Variants in NEDD4L observed in about 807,000 individuals in gnomAD.
NEDD4L encodes the protein E3 ubiquitin-protein ligase NEDD4-like.
NEDD4L carries 54 observed loss-of-function variants against 148.9 expected under a neutral mutation model. The observed-to-expected ratio is 0.36, with a 90% CI of 0.29 to 0.45. NEDD4L has a LOEUF of 0.45. NEDD4L is among the 20% of genes least tolerant of loss of function. The probability of loss-of-function intolerance (pLI) is 1.00; values close to 1 mark genes in which losing one functional copy is unlikely to be tolerated. For synonymous variants in NEDD4L, 433 were observed against 440.7 expected, an observed-to-expected ratio of 0.98 and a Z score of 0.22; for missense variants, 856 against 1,233.8, an observed-to-expected ratio of 0.69 and a Z score of 4.59.
chr18:58,165,931 G>A (rs951959372), intron 2 of NEDD4L, 70 bp downstream of exon 2: 15 of 1,281,204 alleles, frequency 1.2e-5, no homozygotes, highest in African/African-American at 4.4e-5. Flanking sequence ...ATTCAGGCAC[G>A]CATCAGAATC....
chr18:58,333,948 C>G, intron 12 of NEDD4L, 56 bp downstream of exon 12: 1 of 1,124,310 alleles, frequency 8.9e-7, no homozygotes, highest in Non-Finnish European at 1.3e-6. Context: ...CATTTACAAT[C>G]ATCTGGGCTG....
intron 2 of NEDD4L, among the ~76,000 whole-genome samples, chr18:58,221,164 G>A (rs764751967): frequency 1.3e-5 from 2 of 152,172 alleles, no homozygotes; most frequent in African/African-American, 4.8e-5. Flanking sequence ...GTGGGGCCTC[G>A]AGGGCCAGAA....
intron 2 of NEDD4L, among the ~76,000 whole-genome samples, chr18:58,184,254 A>G (rs944647837): frequency 2.6e-5 from 4 of 152,094 alleles, no homozygotes; most frequent in Non-Finnish European, 5.9e-5. Context: ...AGGAATTGCC[A>G]TGTTGTGGGG....
chr18:58,171,823 G>T (rs2146753117), intron 2 of NEDD4L, among the ~76,000 whole-genome samples: 1 of 152,296 alleles, frequency 6.6e-6, no homozygotes. Flanking sequence ...CCTGCCTAGG[G>T]CTTGGATGAA....
chr18:58,139,392 C>G (rs886828278), intron 1 of NEDD4L, among the ~76,000 whole-genome samples: 3 of 149,458 alleles, frequency 2.0e-5, no homozygotes, highest in African/African-American at 7.3e-5. Flanking sequence ...AACCAAAACT[C>G]TGTTTTGCTG....
intron 2 of NEDD4L, among the ~76,000 whole-genome samples, chr18:58,216,523 G>A (rs1444736342): frequency 6.6e-6 from 1 of 152,190 alleles, no homozygotes; most frequent in Non-Finnish European, 1.5e-5. Context: ...CATTCAGAAT[G>A]GAGAGGAGGA....
chr18:58,139,777 G>T (rs1219164150), intron 1 of NEDD4L, among the ~76,000 whole-genome samples: 1 of 152,118 alleles, frequency 6.6e-6, no homozygotes, highest in African/African-American at 2.4e-5. Flanking sequence ...CCTCCCAAAG[G>T]GAGGAAGCTC....
chr18:58,107,814 A>G, intron 1 of NEDD4L, among the ~76,000 whole-genome samples: 1 of 152,034 alleles, frequency 6.6e-6, no homozygotes. Flanking sequence ...CCAGGCTCAT[A>G]TGATCCTCCC....
chr18:58,374,808 C>A (rs951095369), intron 24 of NEDD4L, among the ~76,000 whole-genome samples: 4 of 152,098 alleles, frequency 2.6e-5, no homozygotes, highest in Non-Finnish European at 5.9e-5. Context: ...CAGGTGTCAC[C>A]CTGCCAGCTG....
At chr18:58,313,161 G>T (rs1295928926) in intron 5 of NEDD4L, among the ~76,000 whole-genome samples, 3 of 152,154 alleles carry the variant, frequency 2.0e-5, no homozygotes, top group Non-Finnish European at 4.4e-5. Context: ...TTTTGTGCTT[G>T]ATCCCTATTT....
At chr18:58,223,951 AGGAGCACAGGTGGGCAGTGGGATGTG>A (rs376141288) in intron 2 of NEDD4L, among the ~76,000 whole-genome samples, 50 of 152,176 alleles carry the variant, frequency 3.3e-4, no homozygotes, top group African/African-American at 1.1e-3. Flanking sequence ...CTCAGTACCC[AGGAGCACAGGTGGGCAGTGGGATGTG>A]GGCAGGCGGT....
At chr18:58,102,103 A>T (rs485027) in intron 1 of NEDD4L, among the ~76,000 whole-genome samples, 37,407 of 151,802 alleles carry the variant, frequency 0.25, 8,625 homozygotes, top group African/African-American at 0.62. Context: ...CTGAATGTTT[A>T]TTTAAGCTCT....
intron 2 of NEDD4L, among the ~76,000 whole-genome samples, chr18:58,178,322 A>C (rs2038414433): frequency 6.6e-6 from 1 of 152,170 alleles, no homozygotes; most frequent in South Asian, 2.1e-4. Flanking sequence ...TTTCTTTTCC[A>C]TTCAAGGGTA....
intron 24 of NEDD4L, among the ~76,000 whole-genome samples, chr18:58,377,552 G>T (rs2047722718): frequency 6.6e-6 from 1 of 152,120 alleles, no homozygotes; most frequent in South Asian, 2.1e-4. Context: ...TAATATGAAA[G>T]TTTCCACTGA....
intron 2 of NEDD4L, among the ~76,000 whole-genome samples, chr18:58,230,496 T>G (rs1038739551): frequency 6.6e-6 from 1 of 151,850 alleles, no homozygotes; most frequent in African/African-American, 2.4e-5. Flanking sequence ...GAAATGACCC[T>G]GTGTTTCCTA....
At chr18:58,356,343 C>G (rs1451274073) in intron 18 of NEDD4L, among the ~76,000 whole-genome samples, 2 of 150,494 alleles carry the variant, frequency 1.3e-5, no homozygotes, top group Non-Finnish European at 2.9e-5. Flanking sequence ...TCTGGAGAAC[C>G]TACTCTCCCT....
At chr18:58,059,359 T>G (rs1017558584) in intron 1 of NEDD4L, among the ~76,000 whole-genome samples, 20 of 152,216 alleles carry the variant, frequency 1.3e-4, no homozygotes, top group African/African-American at 4.8e-4. Flanking sequence ...GGAAGAAGGT[T>G]GCAGACCCAT....
At chr18:58,054,525 G>A (rs1413847992) in intron 1 of NEDD4L, among the ~76,000 whole-genome samples, 1 of 152,286 alleles carries the variant, frequency 6.6e-6, no homozygotes, top group East Asian at 1.9e-4. Context: ...TTGAGCACCG[G>A]GGTTCAGGAA....
intron 2 of NEDD4L, among the ~76,000 whole-genome samples, chr18:58,208,915 CT>C (rs1325391391): frequency 2.0e-5 from 3 of 152,098 alleles, no homozygotes; most frequent in African/African-American, 7.2e-5. Context: ...GGTGCCTTCA[CT>C]TTGGAACACT....
Sources: gnomAD v4.1 joint callset for allele counts (sites outside exome capture counted in the v4.1 genomes callset) on GRCh38, gnomAD v4.1.1 for gene constraint, MANE v1.5 for transcripts, NCBI Gene and HGNC (gene_info 2026-07-23, HGNC 2026-07-21) for gene names.